ATP10B: variants seen among roughly 807,000 people sequenced by gnomAD.
ATP10B encodes phospholipid-transporting ATPase VB.
ATP10B carries 122 observed loss-of-function variants against 141.2 expected under a neutral mutation model. The ratio of observed to expected loss-of-function variants is 0.86; its 90% CI spans 0.75 to 1.00. The LOEUF is 1.00. Among genes scored for constraint, ATP10B ranks in the 50% least tolerant of loss-of-function variants. ATP10B has a pLI of 0.00. For synonymous variants in ATP10B, 685 were observed against 692.0 expected (o/e 0.99, Z 0.16); for missense variants, 1,876 against 1,825.3 (o/e 1.03, Z -0.51).
At chr5:160,792,440 C>T (rs891278198) in intron 1 of ATP10B, among the ~76,000 whole-genome samples, 5 of 152,108 alleles carry the variant, frequency 3.3e-5, no homozygotes, top group Admixed American at 1.3e-4. Flanking sequence ...TTTGTGGTTA[C>T]GTGGAACCAT....
chr5:160,784,583 G>A (rs1247744026), intron 2 of ATP10B, among the ~76,000 whole-genome samples: 2 of 152,120 alleles, frequency 1.3e-5, no homozygotes, highest in Non-Finnish European at 2.9e-5. Flanking sequence ...ACTCTTTGAG[G>A]GGGAGTTTAT....
intron 7 of ATP10B, among the ~76,000 whole-genome samples, chr5:160,653,621 AT>A (rs1457860076): frequency 1.8e-3 from 16 of 8,974 alleles, no homozygotes; most frequent in Non-Finnish European, 4.4e-3. Flanking sequence ...ATACATATAT[AT>A]TATATATACA....
At chr5:160,923,207 T>A in the ATP10B span, among the ~76,000 whole-genome samples, 2 of 152,116 alleles carry the variant, frequency 1.3e-5, no homozygotes, top group African/African-American at 4.8e-5. Flanking sequence ...TCCTCAGTAT[T>A]AGCTTCAAAA....
intron 3 of ATP10B, among the ~76,000 whole-genome samples, chr5:160,699,057 A>G (rs1247350648): frequency 6.6e-6 from 1 of 152,196 alleles, no homozygotes; most frequent in Non-Finnish European, 1.5e-5. Context: ...ACTGCCTTTT[A>G]TGCTCACCTA....
At chr5:160,871,867 G>A in the ATP10B span, among the ~76,000 whole-genome samples, 1 of 151,886 alleles carries the variant, frequency 6.6e-6, no homozygotes, top group Non-Finnish European at 1.5e-5. Context: ...TTTGTATAAT[G>A]ACTTTTTTGG....
At chr5:160,761,843 A>G (rs531063259) in intron 2 of ATP10B, among the ~76,000 whole-genome samples, 1 of 152,120 alleles carries the variant, frequency 6.6e-6, no homozygotes, top group Non-Finnish European at 1.5e-5. Context: ...AAAATGTAGG[A>G]TATGGATGGA....
chr5:160,634,644 C>G, intron 11 of ATP10B, 38 bp from the exon 12 acceptor site: 1 of 1,559,768 alleles, frequency 6.4e-7, no homozygotes, highest in Non-Finnish European at 8.7e-7. Flanking sequence ...AGAAACCAGG[C>G]AGGTTCCCTC....
chr5:160,739,109 C>T lies in ATP10B; in HGVS notation c.-330-22075G>A, dbSNP rs73316128. Among the ~76,000 whole-genome samples the T allele has an allele frequency of 4.9e-3, 749 of 152,142 alleles. 8 individuals are homozygous for T. Among genetic ancestry groups the T allele is most frequent in the African/African-American group, 0.017 (724 of 41,524 alleles). On this transcript the variant is annotated intron_variant, in intron 2 of 25. Transcript: ENST00000327245. The stretch of plus-strand genomic sequence containing the variant: ...AACTCCATGTGATCATTTCAGTGGA[C>T]GCAGAAAAAATATTCTATGAAATCC...
chr5:160,901,331 C>A, the ATP10B span, among the ~76,000 whole-genome samples: 1 of 152,166 alleles, frequency 6.6e-6, no homozygotes, highest in Non-Finnish European at 1.5e-5. Context: ...GTTTCTTACA[C>A]TTCCCCACTT....
intron 1 of ATP10B, among the ~76,000 whole-genome samples, chr5:160,809,293 T>G (rs968320640): frequency 6.6e-6 from 1 of 152,076 alleles, no homozygotes; most frequent in Non-Finnish European, 1.5e-5. Flanking sequence ...GGCATGGGAG[T>G]AGCAGTTGCT....
chr5:160,566,105 C>T lies in ATP10B; in HGVS notation c.3939-205G>A, dbSNP rs2127591654. Among the ~76,000 whole-genome samples, 2 of 152,304 alleles carry T rather than the reference C, an allele frequency of 1.3e-5. 1 individual carries two copies. The highest frequency in any genetic ancestry group is 4.1e-4 in the South Asian group (2 of 4,822). On this transcript the variant is annotated intron_variant, in intron 25 of 25. Transcript: ENST00000327245. ...AACATAACAGCTAACATTTATTATA[C>T]ACCAGGACTATTCTAAGTGCTTTAT... is the stretch of plus-strand genomic sequence containing the variant.
rs369487073 is a variant in ATP10B at position 160,652,112 on chromosome 5, G to T, written c.676-2856C>A. ...GTTTGACTCTTGTTCCTCTGTTGGG[G>T]CTTCCTAGCCACCTCCCTCCTGAAA... On this transcript the variant is annotated intron_variant, in intron 7 of 25. Coordinates refer to ENST00000327245, the MANE Select transcript of ATP10B (RefSeq NM_025153.3). Among the ~76,000 whole-genome samples the T allele has an allele frequency of 1.1e-4, 17 of 152,192 alleles. 1 individual carries two copies. Among genetic ancestry groups the T allele is most frequent in the African/African-American group, 3.9e-4 (16 of 41,512 alleles).
chr5:160,771,746 C>T (rs1388484951), intron 2 of ATP10B, among the ~76,000 whole-genome samples: 1 of 152,142 alleles, frequency 6.6e-6, no homozygotes, highest in Non-Finnish European at 1.5e-5. Context: ...GCTCTCTGTC[C>T]CATCTTGCTT....
chr5:160,664,354 C>T (rs538759856), intron 7 of ATP10B, among the ~76,000 whole-genome samples: 1 of 152,300 alleles, frequency 6.6e-6, no homozygotes, highest in South Asian at 2.1e-4. Flanking sequence ...CAAAATGCTC[C>T]TCTAAGTACC....
chr5:160,739,167 T>C (rs569598365), intron 2 of ATP10B, among the ~76,000 whole-genome samples: 1 of 152,238 alleles, frequency 6.6e-6, no homozygotes, highest in African/African-American at 2.4e-5. Context: ...TTCAGCAAAC[T>C]AAGAATGGAT....
At chr5:160,856,588 CA>C (rs758853959), upstream of ATP10B, among the ~76,000 whole-genome samples, 144 of 151,664 alleles carry the variant, frequency 9.5e-4, no homozygotes, top group Admixed American at 1.9e-3. Flanking sequence ...TTCTCAGTCT[CA>C]GGGGGAAAAT....
chr5:160,782,954 T>C (rs1208036852), intron 2 of ATP10B, among the ~76,000 whole-genome samples: 1 of 152,158 alleles, frequency 6.6e-6, no homozygotes, highest in African/African-American at 2.4e-5. Context: ...GAAGTATATA[T>C]ACACATATAT....
chr5:160,579,871 T>C (rs1017818775), intron 24 of ATP10B, among the ~76,000 whole-genome samples: 1 of 152,178 alleles, frequency 6.6e-6, no homozygotes, highest in East Asian at 1.9e-4. Flanking sequence ...TCCTTGAAGA[T>C]GTCTTTCACT....
intron 20 of ATP10B, chr5:160,603,284 C>T (rs978635222): frequency 5.8e-5 from 9 of 154,462 alleles, no homozygotes; most frequent in African/African-American, 2.2e-4. Flanking sequence ...TCAGTTTCCC[C>T]ATCTAAAAAA....
Sources: gnomAD v4.1 joint callset for allele counts (sites outside exome capture counted in the v4.1 genomes callset) on GRCh38, gnomAD v4.1.1 for gene constraint, MANE v1.5 for transcripts, NCBI Gene and HGNC (gene_info 2026-07-23, HGNC 2026-07-21) for gene names.